NOX1: variants seen among roughly 807,000 people sequenced by gnomAD.
The protein encoded by NOX1 is NADH/NADPH mitogenic oxidase subunit P65-MOX.
In NOX1, 34 loss-of-function variants were observed where a neutral mutation model predicts 42.5. The observed-to-expected ratio is 0.80, with a 90% CI of 0.61 to 1.07. The LOEUF is 1.07. Ranked by LOEUF, NOX1 falls within the 50% of genes least tolerant of loss-of-function variation. The pLI is 0.00. For synonymous variants in NOX1, 143 were observed against 152.5 expected, an observed-to-expected ratio of 0.94 and a Z score of 0.46; for missense variants, 408 against 427.0, an observed-to-expected ratio of 0.96 and a Z score of 0.39.
At chrX:100,873,958 T>C in intron 1 of NOX1, 137 bp downstream of exon 1, 1 of 433,658 alleles carries the variant, frequency 2.3e-6, no homozygotes, top group Non-Finnish European at 4.0e-6. Flanking sequence ...CACAGTTGTA[T>C]TTTTTAACTA....
chrX:100,861,745 C>T (rs2085204608), intron 7 of NOX1, among the ~76,000 whole-genome samples: 1 of 112,126 alleles, frequency 8.9e-6, no homozygotes, highest in South Asian at 3.7e-4. Context: ...AGCTCCACTA[C>T]TTACTGTAAG....
In NOX1 at chrX:100,863,511, G is replaced by A; in HGVS notation, c.226C>T (p.Leu76=). The A allele has an allele frequency of 8.3e-7, 1 of 1,211,226 alleles. No homozygotes were observed. The highest frequency in any genetic ancestry group is 1.7e-5 in the African/African-American group (1 of 57,634). The change falls in exon 3 of 13, where the codon CTG becomes TTG. Residue 76 remains leucine (L), a synonymous_variant. Coordinates refer to ENST00000372966, the MANE Select transcript of NOX1 (RefSeq NM_007052.5). The part of the protein sequence containing the change: ...LILLPVCRNL[L]SFLRGTCSFC... ...GAGCAGGTGCCCCTCAGGAAGGACA[G>A]CAGATTGCGACACACAGGAAGCAGG... is the stretch of plus-strand genomic sequence containing the variant.
intron 4 of NOX1, 79 bp from the exon 5 acceptor site, chrX:100,862,899 A>T: frequency 2.2e-6 from 2 of 925,877 alleles, no homozygotes; most frequent in Non-Finnish European, 3.1e-6. Context: ...GACTAGAAGA[A>T]TCCTACATTA....
chrX:100,847,829 C>T (rs1021564888), intron 12 of NOX1, among the ~76,000 whole-genome samples: 7 of 109,989 alleles, frequency 6.4e-5, no homozygotes, highest in African/African-American at 2.3e-4. Flanking sequence ...CATCACCTCC[C>T]TACTTGTTCA....
At chrX:100,853,140 G>A (rs1257250884) in intron 7 of NOX1, among the ~76,000 whole-genome samples, 3 of 110,899 alleles carry the variant, frequency 2.7e-5, no homozygotes, top group Admixed American at 9.6e-5. Context: ...TATTATGCAC[G>A]AGTAAAGTAA....
At chrX:100,856,332 A>G in intron 7 of NOX1, 2 of 639,648 alleles carry the variant, frequency 3.1e-6, no homozygotes, top group Non-Finnish European at 5.2e-6. Flanking sequence ...TCTCCAATGA[A>G]GAGCTTCCTC....
rs1418730855 is a variant in NOX1, at chrX:100,865,179, T to G, written c.142-1584A>C. On this transcript the variant is annotated intron_variant, in intron 2 of 12. Coordinates refer to ENST00000372966, the MANE Select transcript of NOX1 (RefSeq NM_007052.5). The stretch of plus-strand genomic sequence containing the variant: ...TGCTGACTCACACCCTGACTGTTTT[T>G]GGTACAGACAGCCTGTTCCACTTCT... 9.8e-5 allele frequency among the ~76,000 whole-genome samples: 11 copies of G among 112,149 alleles called. 1 individual carries two copies. The highest frequency in any genetic ancestry group is 1.3e-4 in the Non-Finnish European group (7 of 53,289).
At chrX:100,869,805 A>G (rs1436763537) in intron 2 of NOX1, among the ~76,000 whole-genome samples, 2 of 96,309 alleles carry the variant, frequency 2.1e-5, no homozygotes, top group African/African-American at 7.6e-5. Flanking sequence ...GGTTTGTCAT[A>G]GATAGCTCTT....
rs1341886685 is a variant in NOX1, at chrX:100,849,262, T to C, written c.1443+18A>G. The C allele has an allele frequency of 8.3e-7, 1 of 1,206,087 alleles. No homozygotes were observed. The highest frequency in any genetic ancestry group is 1.1e-6 in the Non-Finnish European group (1 of 891,234). The stretch of plus-strand genomic sequence containing the variant: ...GTCTTATGTTTAGTAGGGGAATTAG[T>C]GTGTTATTTGGACTCACAATATTGC... On this transcript the variant is annotated intron_variant, in intron 11 of 12. Transcript: ENST00000372966.
intron 2 of NOX1, among the ~76,000 whole-genome samples, chrX:100,865,855 A>G (rs1199502091): frequency 8.9e-6 from 1 of 112,376 alleles, no homozygotes; most frequent in Non-Finnish European, 1.9e-5. Flanking sequence ...AGTTGGGAAG[A>G]GATGCACGCA....
intron 7 of NOX1, chrX:100,855,158 A>G: frequency 5.0e-6 from 2 of 403,171 alleles, no homozygotes; most frequent in South Asian, 2.9e-5. Flanking sequence ...GTATTTGTAT[A>G]AAACATGTCT....
chrX:100,862,851 A>G (rs1169595845), intron 4 of NOX1, 31 bp from the exon 5 acceptor site: 13 of 1,157,743 alleles, frequency 1.1e-5, no homozygotes, highest in South Asian at 1.9e-5. Flanking sequence ...AAATGTTAAG[A>G]GGCATCTCAG....
rs756977960 is a variant in NOX1 at position 100,855,424 on chromosome X, T to C, written c.805-4099A>G. The C allele has an allele frequency of 1.8e-5, 12 of 662,306 alleles. No homozygotes were observed. In the African/African-American group the frequency reaches 1.9e-4, roughly 11 times the overall value. The allele number at this position is 662,306 out of a possible 1,213,427, so 54.6% of individuals were successfully genotyped here. On this transcript the variant is annotated intron_variant, in intron 7 of 12. Transcript: ENST00000372966. ...TCTGCCCCAAAGTTTCCTCCCTTCA[T>C]GGGTCCAAAATTTGAATACTGATTG...
chrX:100,863,270 G>A (rs1357021913), intron 3 of NOX1, 27 bp from the exon 4 acceptor site: 4 of 1,103,215 alleles, frequency 3.6e-6, no homozygotes, highest in Admixed American at 4.4e-5. Flanking sequence ...ATCATGGTCA[G>A]ATGTCGCCAG....
chrX:100,865,399 T>G (rs1462964897), intron 2 of NOX1, among the ~76,000 whole-genome samples: 2 of 112,787 alleles, frequency 1.8e-5, no homozygotes, highest in African/African-American at 6.4e-5. Flanking sequence ...AAAACATTTT[T>G]TCCTCGTTGC....
At chrX:100,857,893 T>C (rs913958604) in intron 7 of NOX1, among the ~76,000 whole-genome samples, 1 of 111,815 alleles carries the variant, frequency 8.9e-6, no homozygotes, top group Admixed American at 9.5e-5. Context: ...GGTAGTTGCT[T>C]TTGCTGTGCA....
intron 1 of NOX1, among the ~76,000 whole-genome samples, chrX:100,872,706 T>C (rs1485159694): frequency 1.8e-5 from 2 of 109,583 alleles, no homozygotes; most frequent in Admixed American, 9.9e-5. Flanking sequence ...GAAACACCCT[T>C]ATATTTGTAT....
chrX:100,855,883 G>A, intron 7 of NOX1: 4 of 1,170,849 alleles, frequency 3.4e-6, no homozygotes, highest in Non-Finnish European at 4.6e-6. Context: ...TTCACAGTAT[G>A]GTATTTCGGA....
At chrX:100,862,027 G>A in intron 7 of NOX1, 144 bp downstream of exon 7, 1 of 653,847 alleles carries the variant, frequency 1.5e-6, no homozygotes, top group South Asian at 3.8e-5. Flanking sequence ...TTTCTTAAAG[G>A]TAGGAACCCC....
Sources: gnomAD v4.1 joint callset for allele counts (sites outside exome capture counted in the v4.1 genomes callset) on GRCh38, gnomAD v4.1.1 for gene constraint, MANE v1.5 for transcripts, NCBI Gene and HGNC (gene_info 2026-07-23, HGNC 2026-07-21) for gene names.